The following CAMKMT variants were observed in gnomAD, a reference collection of about 807,000 sequenced individuals.
The protein encoded by CAMKMT is CaM KMT.
In CAMKMT, 53 loss-of-function variants were observed where a neutral mutation model predicts 48.0. The observed-to-expected ratio is 1.10, with a 90% CI of 0.89 to 1.39. The LOEUF is 1.39. Among genes scored for constraint, CAMKMT ranks in the 40% most tolerant of loss-of-function variants. CAMKMT has a pLI of 0.00. For synonymous variants in CAMKMT, 165 were observed against 152.3 expected, an observed-to-expected ratio of 1.08 and a Z score of -0.61; for missense variants, 428 against 402.7, an observed-to-expected ratio of 1.06 and a Z score of -0.54.
intron 1 of CAMKMT, among the ~76,000 whole-genome samples, chr2:44,372,505 A>G (rs1367344187): frequency 1.3e-5 from 2 of 151,834 alleles, no homozygotes; most frequent in African/African-American, 4.8e-5. Flanking sequence ...GTAAATCTTC[A>G]CTGTCTTTGC....
chr2:44,730,442 C>T (rs1053798297), intron 7 of CAMKMT, among the ~76,000 whole-genome samples: 9 of 152,170 alleles, frequency 5.9e-5, no homozygotes, highest in African/African-American at 1.9e-4. Flanking sequence ...TTCCTTTTGA[C>T]GATTATGATT....
At chr2:44,455,061 G>T (rs1372103332) in intron 3 of CAMKMT, among the ~76,000 whole-genome samples, 1 of 152,132 alleles carries the variant, frequency 6.6e-6, no homozygotes, top group African/African-American at 2.4e-5. Flanking sequence ...ATGGCATCAT[G>T]AGATGCTAAG....
intron 3 of CAMKMT, among the ~76,000 whole-genome samples, chr2:44,627,792 C>T (rs12463821): frequency 0.37 from 53,375 of 145,296 alleles, 11,710 homozygotes; most frequent in Middle Eastern, 0.54. Flanking sequence ...CTCTGCCTCC[C>T]GGATTCAAGC....
rs112914863 is a variant in CAMKMT at position 44,527,657 on chromosome 2, A to G, written c.376+137352A>G. On this transcript the variant is annotated intron_variant, in intron 3 of 10. Transcript: ENST00000378494. ...TGTTCTGATTTTGTGCAACATGTTCATGAGTGTTTTACAGTTCCTTTTTTT... is the reference window on the plus strand; with the variant it reads ...TGTTCTGATTTTGTGCAACATGTTCGTGAGTGTTTTACAGTTCCTTTTTTT... Among the ~76,000 whole-genome samples, 10 of 151,822 alleles carry G rather than the reference A, an allele frequency of 6.6e-5. 1 individual carries two copies. The highest frequency in any genetic ancestry group is 2.1e-4 in the South Asian group (1 of 4,818).
chr2:44,564,108 C>G (rs987662506), intron 3 of CAMKMT, among the ~76,000 whole-genome samples: 16 of 151,830 alleles, frequency 1.1e-4, no homozygotes, highest in African/African-American at 2.7e-4. Flanking sequence ...TAAAAGTGTT[C>G]CTATTTAGAG....
At position 44,653,668 on chromosome 2, in the gene CAMKMT, A is replaced by G. The variant is rs1025086746; in HGVS notation, c.377-50615A>G. On this transcript the variant is annotated intron_variant, in intron 3 of 10. Transcript: ENST00000378494. The surrounding 1 kb of genome is among the most constrained non-coding windows in gnomAD (Gnocchi z 5.2). ...AGGAGGAGGAGTCTACATTAGTGAC[A>G]GGTGACCAACCAAGATTAATGAAAA... Among the ~76,000 whole-genome samples, 16 of 152,210 alleles carry G rather than the reference A, an allele frequency of 1.1e-4. No individual in the cohort carries two copies. Among genetic ancestry groups the G allele is most frequent in the African/African-American group, 3.9e-4 (16 of 41,450 alleles).
At chr2:44,609,053 G>A (rs1671455681) in intron 3 of CAMKMT, among the ~76,000 whole-genome samples, 1 of 152,156 alleles carries the variant, frequency 6.6e-6, no homozygotes. Flanking sequence ...TTTAAAAGAA[G>A]ATTGCACATG....
intron 1 of CAMKMT, among the ~76,000 whole-genome samples, chr2:44,370,515 G>C (rs1032721717): frequency 1.3e-5 from 2 of 151,914 alleles, no homozygotes; most frequent in African/African-American, 2.4e-5. Context: ...TAACCTCCCT[G>C]TATCACATTG....
At chr2:44,673,995 A>T (rs1160978569) in intron 3 of CAMKMT, among the ~76,000 whole-genome samples, 5 of 152,164 alleles carry the variant, frequency 3.3e-5, no homozygotes, top group Non-Finnish European at 7.3e-5. Flanking sequence ...AAAAGTTTGA[A>T]TCATGTTTGC....
intron 3 of CAMKMT, among the ~76,000 whole-genome samples, chr2:44,572,574 G>A (rs551342062): frequency 6.6e-5 from 10 of 152,280 alleles, no homozygotes; most frequent in Admixed American, 2.0e-4. Flanking sequence ...TGGCTGTTAC[G>A]AGTAATGCTG....
At chr2:44,421,867 A>T (rs1683956450) in intron 3 of CAMKMT, among the ~76,000 whole-genome samples, 1 of 152,208 alleles carries the variant, frequency 6.6e-6, no homozygotes, top group Non-Finnish European at 1.5e-5. Context: ...AAGTAATAGA[A>T]ACTGATGTTG....
At chr2:44,374,546 T>C (rs1679490458) in intron 2 of CAMKMT, among the ~76,000 whole-genome samples, 1 of 152,188 alleles carries the variant, frequency 6.6e-6, no homozygotes, top group African/African-American at 2.4e-5. Context: ...CCTGACATCT[T>C]CAAGGCCCTG....
At chr2:44,654,759 C>T (rs1674279790) in intron 3 of CAMKMT, among the ~76,000 whole-genome samples, 1 of 152,228 alleles carries the variant, frequency 6.6e-6, no homozygotes, top group South Asian at 2.1e-4. Context: ...GAGTGATCCA[C>T]CTGCTTCGGC....
chr2:44,422,982 T>C (rs1036467993), intron 3 of CAMKMT, among the ~76,000 whole-genome samples: 3 of 152,140 alleles, frequency 2.0e-5, no homozygotes, highest in Admixed American at 6.5e-5. Flanking sequence ...ACACCTTCAG[T>C]CTCAGATTTT....
chr2:44,596,097 G>T (rs1670638711), intron 3 of CAMKMT, among the ~76,000 whole-genome samples: 1 of 151,208 alleles, frequency 6.6e-6, no homozygotes, highest in African/African-American at 2.4e-5. Flanking sequence ...TAACAAACCT[G>T]CATGTTCTGC....
chr2:44,439,443 C>A (rs1179560309), intron 3 of CAMKMT, among the ~76,000 whole-genome samples: 1 of 152,090 alleles, frequency 6.6e-6, no homozygotes, highest in Non-Finnish European at 1.5e-5. Context: ...ACTTCCCTGC[C>A]ACCCACCTCC....
At chr2:44,681,089 C>A (rs1274486221) in intron 3 of CAMKMT, among the ~76,000 whole-genome samples, 1 of 152,142 alleles carries the variant, frequency 6.6e-6, no homozygotes, top group Non-Finnish European at 1.5e-5. Flanking sequence ...CCTCACATAT[C>A]AGTCTATTCA....
At chr2:44,556,482 A>C (rs1279844730) in intron 3 of CAMKMT, among the ~76,000 whole-genome samples, 1 of 5,556 alleles carries the variant, frequency 1.8e-4, no homozygotes, top group African/African-American at 7.6e-4. Flanking sequence ...TTTTTTTTTG[A>C]GACGGAGTCT....
At chr2:44,701,474 C>G (rs931392020) in intron 3 of CAMKMT, among the ~76,000 whole-genome samples, 4 of 152,140 alleles carry the variant, frequency 2.6e-5, no homozygotes, top group African/African-American at 9.7e-5. Context: ...AGGAGTGTAA[C>G]TTGGTGCACA....
Sources: allele counts gnomAD v4.1 joint callset (sites outside exome capture counted in the v4.1 genomes callset), GRCh38; gene constraint gnomAD v4.1.1; non-coding constraint Gnocchi (gnomAD v3.1); transcripts MANE v1.5; gene names NCBI Gene and HGNC (gene_info 2026-07-23, HGNC 2026-07-21).